Variants in STAT4 observed in about 807,000 individuals in gnomAD.
STAT4 encodes signal transducer and activator of transcription 4.
A neutral mutation model predicts 110.5 loss-of-function variants in STAT4; 42 were observed. The ratio of observed to expected loss-of-function variants is 0.38; its 90% CI spans 0.30 to 0.49. STAT4 has a LOEUF of 0.49. Ranked by LOEUF, STAT4 falls within the 20% of genes least tolerant of loss-of-function variation. The pLI is 0.95. For missense variants in STAT4, 632 were observed against 887.9 expected, an observed-to-expected ratio of 0.71 and a Z score of 3.66; for synonymous variants, 284 against 302.2, an observed-to-expected ratio of 0.94 and a Z score of 0.63.
rs1348568365 is a variant in STAT4, at chr2:191,050,511, A to G, written c.1251+3979T>C. Among the ~76,000 whole-genome samples, 1 of 152,046 alleles carries G rather than the reference A, an allele frequency of 6.6e-6. No homozygotes were observed. Among genetic ancestry groups the G allele is most frequent in the Non-Finnish European group, 1.5e-5 (1 of 68,002 alleles). On this transcript the variant is annotated intron_variant, in intron 14 of 23. Transcript: ENST00000392320. The surrounding 1 kb of genome is among the most constrained non-coding windows in gnomAD (Gnocchi z 4.3). ...TCATTTTTAAAAATCTAAAGCTCCTACCCTATGTTGCACTTCTGAGGATTA... is the reference window on the plus strand; with the variant it reads ...TCATTTTTAAAAATCTAAAGCTCCTGCCCTATGTTGCACTTCTGAGGATTA...
chr2:191,151,121 T>G (rs1486243729), upstream of STAT4: 1 of 985,290 alleles, frequency 1.0e-6, no homozygotes, highest in African/African-American at 1.7e-5. This position sits in a 1 kb window ranked among gnomAD's most constrained non-coding sequence, Gnocchi z 4.7. Context: ...TTTACTTGGG[T>G]CAGTTCCCAC....
Position 191,046,446 on chromosome 2 carries a change from C to A in STAT4, c.1252-5298G>T, listed in dbSNP as rs1218486475. ...GTGTGGCCTCTAGGTCTCTCCTGTG[C>A]CTAGATATGTTTGCACTGAAGGTGT... On this transcript the variant is annotated intron_variant, in intron 14 of 23. Transcript: ENST00000392320. The surrounding 1 kb of genome is among the most constrained non-coding windows in gnomAD (Gnocchi z 4.6). Among the ~76,000 whole-genome samples, 1 of 152,056 alleles carries A rather than the reference C, an allele frequency of 6.6e-6. No individual in the cohort carries two copies. Among genetic ancestry groups the A allele is most frequent in the Admixed American group, 6.6e-5 (1 of 15,258 alleles).
At chr2:191,109,610 G>A (rs1187849818) in intron 3 of STAT4, among the ~76,000 whole-genome samples, 1 of 152,192 alleles carries the variant, frequency 6.6e-6, no homozygotes, top group African/African-American at 2.4e-5. Context: ...ACTCAAACCA[G>A]GTCAAAGCCC....
chr2:191,072,015 G>A (rs552273193), intron 5 of STAT4, among the ~76,000 whole-genome samples: 4 of 152,270 alleles, frequency 2.6e-5, no homozygotes, highest in African/African-American at 4.8e-5. Context: ...GTCATTGTCT[G>A]AAGGCAGCCA....
chr2:191,120,420 T>G (rs182131896), intron 3 of STAT4, among the ~76,000 whole-genome samples: 1 of 151,722 alleles, frequency 6.6e-6, no homozygotes, highest in East Asian at 1.9e-4. Context: ...AAAATAAAAA[T>G]AGAAAAATAA....
chr2:191,071,063 AT>A (rs1018022397), intron 5 of STAT4, among the ~76,000 whole-genome samples: 3 of 152,184 alleles, frequency 2.0e-5, no homozygotes, highest in Non-Finnish European at 4.4e-5. Flanking sequence ...AGTAGTAGCT[AT>A]TGACTACATG....
chr2:191,149,149 T>C (rs1323093709), intron 1 of STAT4, among the ~76,000 whole-genome samples: 1 of 152,224 alleles, frequency 6.6e-6, no homozygotes, highest in Admixed American at 6.5e-5. Flanking sequence ...TCAGCAATTC[T>C]AAGTCAAGTA....
intron 6 of STAT4, chr2:191,068,350 ATG>A (rs1697050601): frequency 6.6e-6 from 1 of 152,174 alleles, no homozygotes; most frequent in Admixed American, 6.5e-5. Context: ...TTTTAGGGTT[ATG>A]GACTCCCCTT....
intron 3 of STAT4, among the ~76,000 whole-genome samples, chr2:191,095,789 C>T (rs1697954265): frequency 1.3e-5 from 2 of 152,070 alleles, no homozygotes; most frequent in Admixed American, 6.5e-5. Flanking sequence ...GAGATAGAGA[C>T]ACACACAAAA....
In STAT4 at chr2:191,090,346, G is replaced by A. The variant is rs1041797562; in HGVS notation, c.274-14021C>T. Reference sequence around the variant, plus strand: ...TGAATTCGAATGAATGAAGTTGCTCGCCTCCTCACTCAAAGTTAGCTTTAA... The same window carrying A: ...TGAATTCGAATGAATGAAGTTGCTCACCTCCTCACTCAAAGTTAGCTTTAA... On this transcript the variant is annotated intron_variant, in intron 3 of 23. Transcript: ENST00000392320. This position sits in a 1 kb window ranked among gnomAD's most constrained non-coding sequence, Gnocchi z 4.2. Among the ~76,000 whole-genome samples the A allele has an allele frequency of 5.9e-5, 9 of 151,914 alleles. No individual in the cohort carries two copies. The highest frequency in any genetic ancestry group is 2.2e-4 in the African/African-American group (9 of 41,360).
At chr2:191,148,670 C>A (rs1372394595) in intron 1 of STAT4, among the ~76,000 whole-genome samples, 1 of 152,092 alleles carries the variant, frequency 6.6e-6, no homozygotes, top group Non-Finnish European at 1.5e-5. Flanking sequence ...ATGAAATTGC[C>A]AAATTTCTTT....
Position 191,031,308 on chromosome 2 carries a change from G to GGCTA in STAT4, c.2111+138_2111+141dup. ...TAGATTGTGGTAAGTGTGCCCTGAAGGCTAGCCTTATGTATTAAAGGAAAT... is the reference window on the plus strand; with the variant it reads ...TAGATTGTGGTAAGTGTGCCCTGAAGGCTAGCTAGCCTTATGTATTAAAGGAAAT... On this transcript the variant is annotated intron_variant, in intron 22 of 23. Transcript: ENST00000392320. The surrounding 1 kb of genome is among the most constrained non-coding windows in gnomAD (Gnocchi z 4.8). 1 of 991,470 alleles carries GGCTA rather than the reference G, an allele frequency of 1.0e-6. No individual in the cohort carries two copies. Among genetic ancestry groups the GGCTA allele is most frequent in the Non-Finnish European group, 1.5e-6 (1 of 679,242 alleles). The allele number at this position is 991,470 out of a possible 1,614,324, so 61.4% of individuals were successfully genotyped here.
At chr2:191,088,829 G>T (rs1368028439) in intron 3 of STAT4, among the ~76,000 whole-genome samples, 1 of 152,150 alleles carries the variant, frequency 6.6e-6, no homozygotes, top group Non-Finnish European at 1.5e-5. Flanking sequence ...ACAGAACAAA[G>T]GTGGTCTTTT....
At position 191,058,802 on chromosome 2, in the gene STAT4, AT is replaced by A; in HGVS notation, c.1035-34del. On this transcript the variant is annotated intron_variant, in intron 10 of 23. Coordinates refer to ENST00000392320, the MANE Select transcript of STAT4 (RefSeq NM_003151.4). The surrounding 1 kb of genome is among the most constrained non-coding windows in gnomAD (Gnocchi z 4.3). Reference sequence around the variant, plus strand: ...GAGATATCAATAAAAAAAATCAAAGATAAAAATTAAAAGTGTTTAAAAACCC... The same window carrying A: ...GAGATATCAATAAAAAAAATCAAAGAAAAAATTAAAAGTGTTTAAAAACCC... 1 of 1,388,478 alleles carries A rather than the reference AT, an allele frequency of 7.2e-7. No homozygotes were observed. 86.0% of individuals were successfully genotyped at this position (1,388,478 alleles called of 1,614,324 possible).
chr2:191,148,473 C>G (rs915485704), intron 1 of STAT4, among the ~76,000 whole-genome samples: 1 of 152,126 alleles, frequency 6.6e-6, no homozygotes, highest in African/African-American at 2.4e-5. Flanking sequence ...CTGCCAAACA[C>G]CCCACATCCT....
chr2:191,040,792 G>C (rs771358411), intron 15 of STAT4, among the ~76,000 whole-genome samples: 1 of 152,106 alleles, frequency 6.6e-6, no homozygotes, highest in South Asian at 2.1e-4. Context: ...TCAAATTCCA[G>C]GGCTCAAGCA....
chr2:191,105,634 C>A (rs1698258376), intron 3 of STAT4, among the ~76,000 whole-genome samples: 1 of 152,258 alleles, frequency 6.6e-6, no homozygotes, highest in East Asian at 1.9e-4. Context: ...TAAAGATAAG[C>A]ATTGGTAACA....
At chr2:191,055,606 G>C (rs1306300136) in intron 13 of STAT4, among the ~76,000 whole-genome samples, 1 of 151,784 alleles carries the variant, frequency 6.6e-6, no homozygotes, top group Non-Finnish European at 1.5e-5. Flanking sequence ...ACCCTCCTCG[G>C]CCTCCCAAAG....
chr2:191,041,226 TAATA>T (rs1393432882), intron 14 of STAT4, 78 bp from the exon 15 acceptor site: 12 of 615,172 alleles, frequency 2.0e-5, no homozygotes, highest in Admixed American at 4.5e-5. Flanking sequence ...CTATATAAAT[TAATA>T]TATTTATTAA....
Sources: gnomAD v4.1 joint callset for allele counts (sites outside exome capture counted in the v4.1 genomes callset) on GRCh38, gnomAD v4.1.1 for gene constraint, Gnocchi (gnomAD v3.1) non-coding constraint, MANE v1.5 for transcripts, NCBI Gene and HGNC (gene_info 2026-07-23, HGNC 2026-07-21) for gene names.